Variants in UBP1 observed in about 807,000 individuals in gnomAD.
UBP1 encodes the protein upstream binding protein 1.
In UBP1, 22 loss-of-function variants were observed where a neutral mutation model predicts 76.1. The ratio of observed to expected loss-of-function variants is 0.29; its 90% CI spans 0.21 to 0.41. The LOEUF is 0.41. UBP1 is among the 10% of genes least tolerant of loss of function. The pLI, the probability that UBP1 is intolerant of heterozygous loss-of-function variation, is 1.00. For synonymous variants in UBP1, 224 were observed against 237.1 expected (o/e 0.94, Z 0.51); for missense variants, 436 against 668.1 (o/e 0.65, Z 3.83).
At chr3:33,429,754 G>A (rs1485686021) in intron 1 of UBP1, among the ~76,000 whole-genome samples, 2 of 152,166 alleles carry the variant, frequency 1.3e-5, no homozygotes, top group Non-Finnish European at 2.9e-5. Flanking sequence ...ATCAAATGAA[G>A]TATAAAAATC....
At chr3:33,392,139 C>G (rs934347791) in intron 15 of UBP1, 1 of 155,698 alleles carries the variant, frequency 6.4e-6, no homozygotes, top group Non-Finnish European at 1.4e-5. Context: ...TCCCCTCAAC[C>G]CAGATCTCCC....
intron 1 of UBP1, among the ~76,000 whole-genome samples, chr3:33,437,920 T>C (rs2045228432): frequency 6.6e-6 from 1 of 152,180 alleles, no homozygotes; most frequent in Non-Finnish European, 1.5e-5. Context: ...TCTTAGTTTT[T>C]GAGGACTCAA....
intron 2 of UBP1, among the ~76,000 whole-genome samples, chr3:33,421,822 G>T (rs971432502): frequency 6.6e-6 from 1 of 152,156 alleles, no homozygotes; most frequent in Non-Finnish European, 1.5e-5. Flanking sequence ...GCCAAGGTGG[G>T]TGGATCACTT....
chr3:33,404,403 T>C (rs2044358327), intron 8 of UBP1, among the ~76,000 whole-genome samples: 1 of 151,026 alleles, frequency 6.6e-6, no homozygotes, highest in Non-Finnish European at 1.5e-5. Flanking sequence ...CAGAGCGAGA[T>C]TCCATCTCAA....
At chr3:33,412,967 CT>C in intron 3 of UBP1, 140 bp from the exon 4 acceptor site, 1 of 521,286 alleles carries the variant, frequency 1.9e-6, no homozygotes, top group Non-Finnish European at 3.5e-6. Context: ...TAAGTGAACT[CT>C]TTTGCCCTTG....
In UBP1 at chr3:33,402,836, G is replaced by A. The variant is rs759541009; in HGVS notation, c.996C>T (p.Thr332=). The A allele has an allele frequency of 3.1e-6, 5 of 1,607,152 alleles. No individual in the cohort carries two copies. In the Admixed American group the frequency reaches 6.8e-5, roughly 22 times the overall value. ...CACTGCAAGTGCTCTGCTGTGGGGA[G>A]GTGAAAGTGGGCGCTGGGGAAGGGC... ...NNSPSPAPTF[T]SPQQSTCSVP... The change falls in exon 9 of 16, where the codon ACC becomes ACT. Residue 332 remains threonine, a synonymous_variant. Coordinates refer to ENST00000283629, the MANE Select transcript of UBP1 (RefSeq NM_014517.5).
At chr3:33,413,256 G>A (rs2044637374) in intron 3 of UBP1, among the ~76,000 whole-genome samples, 1 of 152,090 alleles carries the variant, frequency 6.6e-6, no homozygotes, top group South Asian at 2.1e-4. Context: ...GTTAACAATT[G>A]AGTCTTCTGG....
At chr3:33,425,380 C>T (rs1247804122) in intron 2 of UBP1, among the ~76,000 whole-genome samples, 1 of 152,204 alleles carries the variant, frequency 6.6e-6, no homozygotes, top group African/African-American at 2.4e-5. Context: ...AATAAATCTT[C>T]CTCCTCAGAC....
At chr3:33,422,539 T>G (rs1307504058) in intron 2 of UBP1, among the ~76,000 whole-genome samples, 1 of 151,986 alleles carries the variant, frequency 6.6e-6, no homozygotes, top group Non-Finnish European at 1.5e-5. Context: ...CAATGAATAG[T>G]GAGATCCGCC....
chr3:33,434,304 T>TTC (rs1553680566), intron 1 of UBP1, among the ~76,000 whole-genome samples: 12 of 144,646 alleles, frequency 8.3e-5, no homozygotes, highest in Admixed American at 2.1e-4. Context: ...TTTTTTTTTT[T>TTC]TTTTTTTTTT....
chr3:33,401,079 G>C, intron 9 of UBP1, 63 bp from the exon 10 acceptor site: 1 of 1,429,050 alleles, frequency 7.0e-7, no homozygotes, highest in South Asian at 1.3e-5. Context: ...TTTAATCAAG[G>C]CATTAAAAGC....
At position 33,439,777 on chromosome 3, in the gene UBP1, C is replaced by T. The variant is rs2045261594; in HGVS notation, c.72G>A (p.Ser24=). ...GLVHDFDASL[S]GIGQELGAGA... is the part of the protein sequence containing the mutation. Reference sequence around the variant, plus strand: ...CGGCGCCCAGTTCCTGCCCGATGCCCGAGAGGCTGGCGTCGAAGTCGTGCA... The same window carrying T: ...CGGCGCCCAGTTCCTGCCCGATGCCTGAGAGGCTGGCGTCGAAGTCGTGCA... Residue 24 remains serine, a synonymous_variant, in exon 1 of 16, where the codon TCG becomes TCA. Transcript: ENST00000283629. 2 of 1,612,772 alleles carry T rather than the reference C, an allele frequency of 1.2e-6. No individual in the cohort carries two copies. Among genetic ancestry groups the T allele is most frequent in the Admixed American group, 1.7e-5 (1 of 59,946 alleles).
intron 2 of UBP1, among the ~76,000 whole-genome samples, chr3:33,419,590 T>C (rs949581358): frequency 6.9e-6 from 1 of 145,302 alleles, no homozygotes; most frequent in Non-Finnish European, 1.5e-5. Flanking sequence ...ATCGCGCCAT[T>C]GCACTCCAGC....
In UBP1 at chr3:33,394,482, A is replaced by G. The variant is rs76959195; in HGVS notation, c.1391-1028T>C. ...TATGAAAAGCTAATATAAACAATGA[A>G]GTGTGATGCTTCCTTACAGAAAGCC... On this transcript the variant is annotated intron_variant, in intron 13 of 15. Coordinates refer to ENST00000283629, the MANE Select transcript of UBP1 (RefSeq NM_014517.5). Among the ~76,000 whole-genome samples the G allele has an allele frequency of 1.7e-3, 263 of 150,814 alleles. 7 individuals carry two copies. In the East Asian group the frequency reaches 0.047, roughly 27 times the overall value.
chr3:33,392,963 T>A (rs905504639), intron 14 of UBP1: 4 of 313,650 alleles, frequency 1.3e-5, no homozygotes, highest in Admixed American at 4.9e-5. Flanking sequence ...ATATCTTACA[T>A]GTTTTTTTAA....
chr3:33,412,673 T>C (rs775768890), intron 4 of UBP1, 49 bp downstream of exon 4: 43 of 1,210,194 alleles, frequency 3.6e-5, no homozygotes, highest in Non-Finnish European at 4.8e-5. Context: ...TTACTGGCTA[T>C]AGCTAAACAA....
chr3:33,414,830 A>G (rs536902909), intron 3 of UBP1, among the ~76,000 whole-genome samples: 18 of 152,288 alleles, frequency 1.2e-4, no homozygotes, highest in African/African-American at 3.1e-4. Flanking sequence ...ACCCTTTTCA[A>G]TCAGTGGGCT....
chr3:33,424,131 T>C (rs1394864317), intron 2 of UBP1, among the ~76,000 whole-genome samples: 1 of 152,238 alleles, frequency 6.6e-6, no homozygotes, highest in African/African-American at 2.4e-5. Context: ...GCCCCTACAT[T>C]GTTTCTTCTG....
intron 8 of UBP1, among the ~76,000 whole-genome samples, chr3:33,403,833 G>A (rs908456167): frequency 1.3e-5 from 2 of 152,164 alleles, no homozygotes; most frequent in African/African-American, 4.8e-5. Context: ...TCACTTTACA[G>A]GTATTCTTTC....
Sources: allele counts gnomAD v4.1 joint callset (sites outside exome capture counted in the v4.1 genomes callset), GRCh38; gene constraint gnomAD v4.1.1; transcripts MANE v1.5; gene names NCBI Gene and HGNC (gene_info 2026-07-23, HGNC 2026-07-21).